The following TBC1D4 variants were observed in gnomAD, a reference collection of about 807,000 sequenced individuals.
TBC1D4 encodes the protein TBC (Tre-2, BUB2, CDC16) domain-containing protein.
A neutral mutation model predicts 142.5 loss-of-function variants in TBC1D4; 121 were observed. The observed-to-expected ratio is 0.85, with a 90% CI of 0.73 to 0.99. TBC1D4 has a LOEUF of 0.99. TBC1D4 is among the 50% of genes least tolerant of loss of function. The pLI, the probability that TBC1D4 is intolerant of heterozygous loss-of-function variation, is 0.00. For synonymous variants in TBC1D4, 630 were observed against 628.2 expected, an observed-to-expected ratio of 1.00 and a Z score of -0.04; for missense variants, 1,475 against 1,606.6, an observed-to-expected ratio of 0.92 and a Z score of 1.40.
chr13:75,407,764 C>G (rs954635215), intron 1 of TBC1D4, among the ~76,000 whole-genome samples: 1 of 151,762 alleles, frequency 6.6e-6, no homozygotes, highest in Non-Finnish European at 1.5e-5. Context: ...GAAGTGCCCA[C>G]AGCAAAGTCT....
intron 8 of TBC1D4, 34 bp downstream of exon 8, chr13:75,336,887 A>G (rs1338006406): frequency 7.4e-6 from 12 of 1,613,176 alleles, no homozygotes; most frequent in Non-Finnish European, 1.0e-5. Context: ...AAACACAGAT[A>G]TGCATACTTG....
At chr13:75,322,232 C>A (rs998047306) in intron 11 of TBC1D4, among the ~76,000 whole-genome samples, 1 of 152,150 alleles carries the variant, frequency 6.6e-6, no homozygotes, top group African/African-American at 2.4e-5. Context: ...GAAAAGGGTA[C>A]AAACAAGTAC....
intron 15 of TBC1D4, 82 bp from the exon 16 acceptor site, chr13:75,302,483 T>G (rs1462822369): frequency 6.1e-5 from 94 of 1,547,706 alleles, no homozygotes; most frequent in Non-Finnish European, 8.0e-5. Context: ...TATATAATTC[T>G]GGTAAACAGG....
Position 75,481,554 on chromosome 13 carries a change from C to A in TBC1D4, c.214G>T (p.Gly72Cys). ...IRRRSQKPEA[G>C]GCGAPAAREV... ...CGGGCCGCCGGCGCCCCGCAGCCGCCCGCCTCGGGCTTCTGGCTGCGCCTG... is the reference window on the plus strand; with the variant it reads ...CGGGCCGCCGGCGCCCCGCAGCCGCACGCCTCGGGCTTCTGGCTGCGCCTG... Residue 72 changes from glycine to cysteine, a missense_variant, in exon 1 of 21, where the codon GGC becomes TGC. Coordinates refer to ENST00000377636, the MANE Select transcript of TBC1D4 (RefSeq NM_014832.5). 6.3e-7 allele frequency: 1 copy of A among 1,596,670 alleles called. No individual in the cohort carries two copies. Among genetic ancestry groups the A allele is most frequent in the Non-Finnish European group, 8.5e-7 (1 of 1,171,610 alleles).
chr13:75,324,334 T>G lies in TBC1D4; in HGVS notation c.2101A>C (p.Thr701Pro), dbSNP rs757147621. 1.9e-6 allele frequency: 3 copies of G among 1,614,022 alleles called. No homozygotes were observed. In the South Asian group the frequency reaches 3.3e-5, roughly 18 times the overall value. The change falls in exon 11 of 21, where the codon ACT becomes CCT. Residue 701 changes from threonine (T) to proline (P), a missense_variant. By Grantham distance (38) the Thr-to-Pro change is conservative. Transcript: ENST00000377636. ...GTGAAGGAAGGGGCAGAGAAGGAAGTGTGAAGACTTGGAAGACTGGAGGAA... is the reference window on the plus strand; with the variant it reads ...GTGAAGGAAGGGGCAGAGAAGGAAGGGTGAAGACTTGGAAGACTGGAGGAA... ...NSSSSLPSLHTSFSAPSFTAP... is the reference protein window; with the variant it reads ...NSSSSLPSLHPSFSAPSFTAP...
chr13:75,421,747 A>C (rs1257123065), intron 1 of TBC1D4, among the ~76,000 whole-genome samples: 1 of 152,236 alleles, frequency 6.6e-6, no homozygotes, highest in Non-Finnish European at 1.5e-5. Context: ...TAATATTAAA[A>C]ATAACGAAGT....
intron 1 of TBC1D4, among the ~76,000 whole-genome samples, chr13:75,451,186 G>T (rs1259266349): frequency 6.6e-6 from 1 of 152,074 alleles, no homozygotes; most frequent in Non-Finnish European, 1.5e-5. Flanking sequence ...CACTTAACTT[G>T]TTTGAGACTC....
intron 13 of TBC1D4, 72 bp from the exon 14 acceptor site, chr13:75,310,223 C>T: frequency 2.8e-6 from 4 of 1,430,754 alleles, no homozygotes; most frequent in Non-Finnish European, 3.9e-6. Flanking sequence ...GTAGAATTCA[C>T]ATTCTCATCT....
chr13:75,384,593 A>AG (rs1053667678), intron 1 of TBC1D4, among the ~76,000 whole-genome samples: 25 of 151,888 alleles, frequency 1.6e-4, no homozygotes, highest in African/African-American at 6.0e-4. Context: ...AAAAAAAAAA[A>AG]AGGTTGCCAC....
At chr13:75,461,218 G>A (rs1425941482) in intron 1 of TBC1D4, among the ~76,000 whole-genome samples, 1 of 152,192 alleles carries the variant, frequency 6.6e-6, no homozygotes, top group African/African-American at 2.4e-5. Context: ...AAATTCAGTT[G>A]AGCCACTTTT....
chr13:75,461,835 C>T (rs1887981911), intron 1 of TBC1D4, among the ~76,000 whole-genome samples: 1 of 152,192 alleles, frequency 6.6e-6, no homozygotes, highest in African/African-American at 2.4e-5. Flanking sequence ...TTTCTTGAAA[C>T]CAATTGCAGA....
intron 1 of TBC1D4, among the ~76,000 whole-genome samples, chr13:75,466,787 C>T (rs1040681401): frequency 6.6e-6 from 1 of 151,934 alleles, no homozygotes; most frequent in East Asian, 1.9e-4. Context: ...AGGAGAATCG[C>T]TTAAGCCAGG....
intron 8 of TBC1D4, among the ~76,000 whole-genome samples, chr13:75,333,813 T>C (rs1182707520): frequency 6.6e-6 from 1 of 152,234 alleles, no homozygotes; most frequent in African/African-American, 2.4e-5. Context: ...TCCTTCAGTC[T>C]GGAGTTATTC....
chr13:75,343,503 G>GTTTAT lies in TBC1D4; in HGVS notation c.1409-1921_1409-1917dup, dbSNP rs551919027. On this transcript the variant is annotated intron_variant, in intron 5 of 20. Coordinates refer to ENST00000377636, the MANE Select transcript of TBC1D4 (RefSeq NM_014832.5). ...TGGTATGACACCACTCACTATCACA[G>GTTTAT]TTTATTTTATTTTATTTTATTTTAT... Among the ~76,000 whole-genome samples, 673 of 152,076 alleles carry GTTTAT rather than the reference G, an allele frequency of 4.4e-3. 7 individuals carry two copies. The highest frequency in any genetic ancestry group is 0.014 in the African/African-American group (578 of 41,440).
intron 1 of TBC1D4, among the ~76,000 whole-genome samples, chr13:75,397,787 G>A (rs961411858): frequency 1.3e-5 from 2 of 152,130 alleles, no homozygotes; most frequent in African/African-American, 2.4e-5. Flanking sequence ...AATTACCCTC[G>A]TATAGTAGAC....
At chr13:75,477,574 TAAC>T (rs971992933) in intron 1 of TBC1D4, among the ~76,000 whole-genome samples, 1 of 152,034 alleles carries the variant, frequency 6.6e-6, no homozygotes, top group Non-Finnish European at 1.5e-5. Flanking sequence ...AAAATTAACA[TAAC>T]AAAGTCTCAT....
intron 1 of TBC1D4, among the ~76,000 whole-genome samples, chr13:75,410,585 G>A (rs1382339657): frequency 2.0e-5 from 3 of 152,178 alleles, no homozygotes; most frequent in Non-Finnish European, 2.9e-5. Flanking sequence ...TTAAACACCT[G>A]TCTGTTTTTC....
At chr13:75,420,967 C>T (rs907879203) in intron 1 of TBC1D4, among the ~76,000 whole-genome samples, 2 of 152,172 alleles carry the variant, frequency 1.3e-5, no homozygotes, top group African/African-American at 4.8e-5. Context: ...AGATTTACCC[C>T]CTGGTTCTCA....
intron 1 of TBC1D4, among the ~76,000 whole-genome samples, chr13:75,444,352 C>T (rs1887182556): frequency 6.6e-6 from 1 of 152,122 alleles, no homozygotes; most frequent in Admixed American, 6.5e-5. Flanking sequence ...GTCTCAAACT[C>T]CCAGCTTTGA....
Sources: allele counts gnomAD v4.1 joint callset (sites outside exome capture counted in the v4.1 genomes callset), GRCh38; gene constraint gnomAD v4.1.1; transcripts MANE v1.5; gene names NCBI Gene and HGNC (gene_info 2026-07-23, HGNC 2026-07-21).